The following PHF11 variants were observed in gnomAD, a reference collection of about 807,000 sequenced individuals.
PHF11 encodes PHD finger protein 11.
PHF11 carries 38 observed loss-of-function variants against 40.5 expected under a neutral mutation model. That is an observed-to-expected ratio of 0.94 (90% CI 0.72 to 1.23). PHF11 has a LOEUF of 1.23. Among genes scored for constraint, PHF11 ranks in the 50% most tolerant of loss-of-function variants. The probability of loss-of-function intolerance (pLI) is 0.00; values close to 1 mark genes in which losing one functional copy is unlikely to be tolerated. For synonymous variants in PHF11, 127 were observed against 138.2 expected (o/e 0.92, Z 0.57); for missense variants, 369 against 392.4 (o/e 0.94, Z 0.50).
intron 3 of PHF11, among the ~76,000 whole-genome samples, chr13:49,514,842 C>A (rs547601382): frequency 6.6e-6 from 1 of 151,992 alleles, no homozygotes; most frequent in Admixed American, 6.6e-5. Context: ...AGACTGGCTG[C>A]TGACATCATT....
At chr13:49,501,337 C>A (rs1435161385) in intron 1 of PHF11, among the ~76,000 whole-genome samples, 1 of 151,996 alleles carries the variant, frequency 6.6e-6, no homozygotes, top group South Asian at 2.1e-4. Context: ...TAAGCCTGTA[C>A]TTTACAAGTT....
intron 1 of PHF11, among the ~76,000 whole-genome samples, chr13:49,503,677 G>C (rs1433995794): frequency 6.6e-6 from 1 of 152,162 alleles, no homozygotes; most frequent in Non-Finnish European, 1.5e-5. Context: ...TGACATATTT[G>C]GTTGCATAAA....
At chr13:49,510,775 C>T (rs1325439170) in intron 2 of PHF11, among the ~76,000 whole-genome samples, 4 of 152,126 alleles carry the variant, frequency 2.6e-5, no homozygotes, top group Non-Finnish European at 4.4e-5. Context: ...CCAGCCCAAT[C>T]GTGATGTTTT....
intron 8 of PHF11, among the ~76,000 whole-genome samples, chr13:49,524,538 G>A (rs1430961455): frequency 1.3e-5 from 2 of 150,252 alleles, no homozygotes; most frequent in Non-Finnish European, 3.0e-5. Flanking sequence ...GCAGTGGTGC[G>A]ATCTTGCCTC....
chr13:49,511,089 G>A (rs1959075766), intron 2 of PHF11, among the ~76,000 whole-genome samples: 1 of 152,092 alleles, frequency 6.6e-6, no homozygotes, highest in African/African-American at 2.4e-5. Flanking sequence ...CACTTCCTTT[G>A]CTCAGCATAC....
chr13:49,504,593 G>C (rs1958955910), intron 1 of PHF11, among the ~76,000 whole-genome samples: 1 of 135,430 alleles, frequency 7.4e-6, no homozygotes, highest in Admixed American at 7.4e-5. Context: ...GAGGGAGGTG[G>C]GGGGTCAGCC....
intron 1 of PHF11, among the ~76,000 whole-genome samples, chr13:49,502,847 C>T (rs111866396): frequency 7.9e-5 from 12 of 152,056 alleles, no homozygotes; most frequent in East Asian, 1.9e-4. Context: ...CTCAGCCTCC[C>T]GAGTAGCTGG....
At chr13:49,522,130 G>A (rs1959191461) in intron 6 of PHF11, 23 bp downstream of exon 6, 2 of 1,271,886 alleles carry the variant, frequency 1.6e-6, no homozygotes, top group Non-Finnish European at 2.3e-6. Context: ...AGTTTTTATA[G>A]CTTTGCATTT....
chr13:49,519,167 C>A (rs1240293785), intron 4 of PHF11, among the ~76,000 whole-genome samples: 1 of 152,080 alleles, frequency 6.6e-6, no homozygotes, highest in Non-Finnish European at 1.5e-5. Context: ...CGAGCAAGTT[C>A]CGTAAGTATT....
chr13:49,513,443 G>A (rs1385990362), intron 3 of PHF11, among the ~76,000 whole-genome samples: 1 of 150,050 alleles, frequency 6.7e-6, no homozygotes, highest in Non-Finnish European at 1.5e-5. Context: ...CGATTCTCCT[G>A]CCTCAGCCTC....
At chr13:49,526,621 G>GCCCCCCCCCCCCC (rs1222135505) in intron 9 of PHF11, among the ~76,000 whole-genome samples, 163 bp downstream of exon 9, 76 of 145,712 alleles carry the variant, frequency 5.2e-4, no homozygotes, top group Non-Finnish European at 7.5e-4. Flanking sequence ...CCGCCCACCT[G>GCCCCCCCCCCCCC]CCCACACACA....
intron 5 of PHF11, 152 bp from the exon 6 acceptor site, chr13:49,521,891 C>G (rs1959189750): frequency 2.3e-6 from 1 of 437,102 alleles, no homozygotes; most frequent in Non-Finnish European, 4.2e-6. Flanking sequence ...AAAAATTAAC[C>G]CTTTATCATA....
intron 1 of PHF11, among the ~76,000 whole-genome samples, chr13:49,497,636 G>T (rs2139022389): frequency 6.6e-6 from 1 of 152,310 alleles, no homozygotes; most frequent in South Asian, 2.1e-4. Context: ...CTGCAGAGCG[G>T]CCAAAATGCT....
chr13:49,515,816 G>A (rs529812141), intron 3 of PHF11, among the ~76,000 whole-genome samples: 7 of 152,248 alleles, frequency 4.6e-5, no homozygotes, highest in South Asian at 4.1e-4. Flanking sequence ...TTTCAATAAT[G>A]TTAATCAGTT....
chr13:49,511,043 A>C (rs889248561), intron 2 of PHF11, among the ~76,000 whole-genome samples: 1 of 152,148 alleles, frequency 6.6e-6, no homozygotes, highest in South Asian at 2.1e-4. Context: ...CTCAGATTTC[A>C]TATGAAAGGA....
chr13:49,505,987 T>C (rs1353717934), intron 1 of PHF11, among the ~76,000 whole-genome samples: 1 of 152,164 alleles, frequency 6.6e-6, no homozygotes, highest in East Asian at 1.9e-4. Context: ...GCCATTGTTT[T>C]CTTCTTCATT....
intron 2 of PHF11, among the ~76,000 whole-genome samples, chr13:49,512,857 T>G (rs1221981139): frequency 6.6e-6 from 1 of 152,220 alleles, no homozygotes; most frequent in Non-Finnish European, 1.5e-5. Flanking sequence ...TTACAAAGTA[T>G]AAAACATGCC....
intron 1 of PHF11, among the ~76,000 whole-genome samples, chr13:49,498,525 A>T (rs1385446092): frequency 2.0e-5 from 3 of 152,192 alleles, no homozygotes; most frequent in Non-Finnish European, 4.4e-5. Context: ...CATTTCCGTT[A>T]GATCATTCTG....
chr13:49,516,877 G>A (rs897118404), intron 3 of PHF11, among the ~76,000 whole-genome samples: 1 of 152,104 alleles, frequency 6.6e-6, no homozygotes, highest in Admixed American at 6.5e-5. Context: ...GGGCCACCAT[G>A]CCCAGCCTGT....
Sources: allele counts gnomAD v4.1 joint callset (sites outside exome capture counted in the v4.1 genomes callset), GRCh38; gene constraint gnomAD v4.1.1; transcripts MANE v1.5; gene names NCBI Gene and HGNC (gene_info 2026-07-23, HGNC 2026-07-21).